MMD2: variants seen among roughly 807,000 people sequenced by gnomAD.
MMD2 encodes monocyte to macrophage differentiation factor 2.
In MMD2, 30 loss-of-function variants were observed where a neutral mutation model predicts 33.5. That is an observed-to-expected ratio of 0.90 (90% CI 0.67 to 1.22). The LOEUF is 1.22. Among genes scored for constraint, MMD2 ranks in the 50% most tolerant of loss-of-function variants. The probability of loss-of-function intolerance (pLI) is 0.00; values close to 1 mark genes in which losing one functional copy is unlikely to be tolerated. For missense variants in MMD2, 364 were observed against 325.4 expected (o/e 1.12, Z -0.91); for synonymous variants, 129 against 123.0 (o/e 1.05, Z -0.32).
chr7:4,894,680 A>G, the MMD2 span, among the ~76,000 whole-genome samples: 2 of 151,750 alleles, frequency 1.3e-5, no homozygotes, highest in Non-Finnish European at 2.9e-5. This position sits in a 1 kb window ranked among gnomAD's most constrained non-coding sequence, Gnocchi z 4.3. Context: ...CTCGAGAGGG[A>G]GCTTGCAAGC....
At chr7:4,949,823 C>T (rs1786191430) in intron 1 of MMD2, among the ~76,000 whole-genome samples, 2 of 152,000 alleles carry the variant, frequency 1.3e-5, no homozygotes, top group African/African-American at 4.8e-5. Context: ...CTTTTTATGC[C>T]TGAACAGTAC....
chr7:4,908,469 T>C (rs985101382), intron 6 of MMD2, among the ~76,000 whole-genome samples: 2 of 152,054 alleles, frequency 1.3e-5, no homozygotes, highest in African/African-American at 4.8e-5. Flanking sequence ...AAAAATGTAA[T>C]ACATCTGGGT....
At chr7:4,958,938 C>T (rs974209817) in intron 1 of MMD2, 33 bp downstream of exon 1, 3 of 1,290,694 alleles carry the variant, frequency 2.3e-6, no homozygotes, top group African/African-American at 3.1e-5. Context: ...GCCCCTCCCT[C>T]CCTCCCCGCG....
intron 1 of MMD2, among the ~76,000 whole-genome samples, chr7:4,934,023 A>G (rs10269090): frequency 0.85 from 127,626 of 149,330 alleles, 54,554 homozygotes; most frequent in East Asian, 1. Flanking sequence ...TCTCCCTCCC[A>G]TGTTCAAGCA....
chr7:4,930,143 A>C (rs531933843), intron 1 of MMD2, among the ~76,000 whole-genome samples: 1 of 151,524 alleles, frequency 6.6e-6, no homozygotes, highest in Non-Finnish European at 1.5e-5. Flanking sequence ...GGTGGCGGGC[A>C]CCTGTAGTCC....
intron 1 of MMD2, among the ~76,000 whole-genome samples, chr7:4,953,509 C>T (rs772794547): frequency 1.3e-4 from 20 of 149,924 alleles, no homozygotes; most frequent in Non-Finnish European, 2.7e-4. Context: ...CTCACTCTAT[C>T]GCCCAGGCTG....
chr7:4,945,937 G>C (rs1786063983), intron 1 of MMD2, among the ~76,000 whole-genome samples: 2 of 152,282 alleles, frequency 1.3e-5, no homozygotes, highest in East Asian at 1.9e-4. Context: ...TCTGAAATTG[G>C]TACAAGCCAG....
the MMD2 span, among the ~76,000 whole-genome samples, chr7:4,892,768 T>G: frequency 6.6e-6 from 1 of 151,764 alleles, no homozygotes; most frequent in Non-Finnish European, 1.5e-5. Flanking sequence ...CAGGCTGGAG[T>G]GCAGTGGTGT....
chr7:4,933,938 G>A (rs1414337066), intron 1 of MMD2, among the ~76,000 whole-genome samples: 1 of 111,268 alleles, frequency 9.0e-6, no homozygotes, highest in East Asian at 3.1e-4. Context: ...CGGCCACAAT[G>A]CCTTTTTTTT....
chr7:4,949,935 T>C (rs187801846), intron 1 of MMD2, among the ~76,000 whole-genome samples: 1 of 152,338 alleles, frequency 6.6e-6, no homozygotes, highest in African/African-American at 2.4e-5. Context: ...CTCTCACATT[T>C]AACAAATGAC....
intron 1 of MMD2, among the ~76,000 whole-genome samples, chr7:4,937,630 T>A (rs936245561): frequency 2.6e-5 from 4 of 152,148 alleles, no homozygotes; most frequent in Admixed American, 1.3e-4. Flanking sequence ...TGCTTCAGCC[T>A]GCCAAGTAAC....
At chr7:4,953,168 C>T (rs1786295103) in intron 1 of MMD2, among the ~76,000 whole-genome samples, 1 of 151,854 alleles carries the variant, frequency 6.6e-6, no homozygotes, top group Admixed American at 6.6e-5. Context: ...TTCCCCATCT[C>T]ACCTGGACGT....
At chr7:4,929,829 G>A (rs1785528389) in intron 1 of MMD2, among the ~76,000 whole-genome samples, 1 of 152,072 alleles carries the variant, frequency 6.6e-6, no homozygotes, top group African/African-American at 2.4e-5. Flanking sequence ...AGCCAAGACT[G>A]GCTTATTAAC....
intron 1 of MMD2, among the ~76,000 whole-genome samples, chr7:4,938,946 G>A (rs528431687): frequency 1.2e-4 from 18 of 152,100 alleles, no homozygotes; most frequent in East Asian, 1.9e-4. Flanking sequence ...GATGGCTCAC[G>A]TCTGTAATCC....
chr7:4,912,921 C>G (rs1297006925), intron 4 of MMD2, among the ~76,000 whole-genome samples: 2 of 152,132 alleles, frequency 1.3e-5, no homozygotes, highest in Non-Finnish European at 2.9e-5. Context: ...CCAGGCTGGT[C>G]TCAAACTCCT....
rs1487649027 is a variant in MMD2 at position 4,911,218 on chromosome 7, C to T, written c.394G>A (p.Ala132Thr). ...CAGACCAGCCAGCGCATGTGGGAGG[C>T]CCAGGGGCCCAGCTCCCGAAGGTTC... is the stretch of plus-strand genomic sequence containing the variant. Reference protein sequence around the residue: ...WLNLRELGPWASHMRWLVWIM... With the variant: ...WLNLRELGPWTSHMRWLVWIM... Residue 132 changes from alanine to threonine, a missense_variant, in exon 5 of 7, where the codon GCC becomes ACC. Coordinates refer to ENST00000401401, the MANE Select transcript of MMD2 (RefSeq NM_198403.4). 4 of 1,598,136 alleles carry T rather than the reference C, an allele frequency of 2.5e-6. No individual in the cohort carries two copies. Among genetic ancestry groups the T allele is most frequent in the African/African-American group, 1.3e-5 (1 of 74,684 alleles).
Position 4,940,884 on chromosome 7 carries a change from G to C in MMD2, c.48-15352C>G, listed in dbSNP as rs1785889373. On this transcript the variant is annotated intron_variant, in intron 1 of 6. Transcript: ENST00000401401. This position sits in a 1 kb window ranked among gnomAD's most constrained non-coding sequence, Gnocchi z 5.0. Reference sequence around the variant, plus strand: ...CCCCTGGGCCTGGGGGTACTGACCCGACAGATCTGAGACCAGCTCCCAGCC... The same window carrying C: ...CCCCTGGGCCTGGGGGTACTGACCCCACAGATCTGAGACCAGCTCCCAGCC... Among the ~76,000 whole-genome samples, 1 of 152,110 alleles carries C rather than the reference G, an allele frequency of 6.6e-6. No individual in the cohort carries two copies. The highest frequency in any genetic ancestry group is 6.6e-5 in the Admixed American group (1 of 15,256).
At chr7:4,910,282 G>A (rs546219424) in intron 5 of MMD2, among the ~76,000 whole-genome samples, 213 of 152,080 alleles carry the variant, frequency 1.4e-3, no homozygotes, top group Non-Finnish European at 2.2e-3. Context: ...ATCACTATTC[G>A]ATCCTAGCAT....
At chr7:4,935,055 G>A (rs552484322) in intron 1 of MMD2, among the ~76,000 whole-genome samples, 4 of 152,116 alleles carry the variant, frequency 2.6e-5, no homozygotes, top group East Asian at 3.9e-4. Flanking sequence ...GCATGGTGGC[G>A]CACACCTGTA....
Sources: gnomAD v4.1 joint callset for allele counts (sites outside exome capture counted in the v4.1 genomes callset) on GRCh38, gnomAD v4.1.1 for gene constraint, Gnocchi (gnomAD v3.1) non-coding constraint, MANE v1.5 for transcripts, NCBI Gene and HGNC (gene_info 2026-07-23, HGNC 2026-07-21) for gene names.